Variants in SRGAP3 observed in about 807,000 individuals in gnomAD.
SRGAP3 encodes the protein SLIT-ROBO Rho GTPase-activating protein 3.
SRGAP3 carries 39 observed loss-of-function variants against 121.1 expected under a neutral mutation model. The ratio of observed to expected loss-of-function variants is 0.32; its 90% CI spans 0.25 to 0.42. The LOEUF is 0.42. Ranked by LOEUF, SRGAP3 falls within the 10% of genes least tolerant of loss-of-function variation. The pLI is 1.00. For synonymous variants in SRGAP3, 601 were observed against 570.0 expected, an observed-to-expected ratio of 1.05 and a Z score of -0.77; for missense variants, 1,213 against 1,470.6, an observed-to-expected ratio of 0.82 and a Z score of 2.86.
At chr3:9,100,449 G>A (rs1001585890) in intron 3 of SRGAP3, among the ~76,000 whole-genome samples, 1 of 152,196 alleles carries the variant, frequency 6.6e-6, no homozygotes, top group South Asian at 2.1e-4. Flanking sequence ...AGGTGACACC[G>A]AGGAGGAAGA....
chr3:9,019,203 G>T (rs1943789892), intron 14 of SRGAP3, among the ~76,000 whole-genome samples: 1 of 152,224 alleles, frequency 6.6e-6, no homozygotes, highest in African/African-American at 2.4e-5. Context: ...CACAGAGGCA[G>T]ATTTCTGTGA....
At chr3:9,158,831 C>T (rs1458486251) in intron 1 of SRGAP3, among the ~76,000 whole-genome samples, 5 of 152,306 alleles carry the variant, frequency 3.3e-5, no homozygotes, top group East Asian at 3.9e-4. Flanking sequence ...CTAACCTGCA[C>T]CATGACCCAC....
intron 3 of SRGAP3, among the ~76,000 whole-genome samples, chr3:9,268,097 AC>A (rs1954399975): frequency 6.6e-6 from 1 of 152,160 alleles, no homozygotes; most frequent in Non-Finnish European, 1.5e-5. Context: ...CCTGCCACCA[AC>A]CATGTGAGTC....
At chr3:9,177,933 C>T (rs1252455852) in intron 1 of SRGAP3, among the ~76,000 whole-genome samples, 1 of 152,190 alleles carries the variant, frequency 6.6e-6, no homozygotes, top group African/African-American at 2.4e-5. Context: ...GCAGGAACTA[C>T]TAGGAGCTGC....
chr3:9,027,659 C>T (rs1944282597), intron 12 of SRGAP3, among the ~76,000 whole-genome samples: 1 of 152,238 alleles, frequency 6.6e-6, no homozygotes, highest in Non-Finnish European at 1.5e-5. Flanking sequence ...ATTCTCAACA[C>T]AGGCACCTGG....
At chr3:9,284,488 C>T (rs888610156) in intron 3 of SRGAP3, among the ~76,000 whole-genome samples, 5 of 152,006 alleles carry the variant, frequency 3.3e-5, no homozygotes, top group Admixed American at 6.6e-5. Context: ...ACCATTCGTG[C>T]GAAAGTCAAC....
chr3:9,308,006 T>C (rs1039073867), intron 3 of SRGAP3, among the ~76,000 whole-genome samples: 2 of 152,068 alleles, frequency 1.3e-5, no homozygotes, highest in Non-Finnish European at 2.9e-5. Flanking sequence ...AATACAAAAA[T>C]TAGCTGGACG....
chr3:9,340,126 AC>A (rs1955759360), intron 1 of SRGAP3, among the ~76,000 whole-genome samples: 1 of 152,242 alleles, frequency 6.6e-6, no homozygotes, highest in Admixed American at 6.5e-5. Flanking sequence ...AGGGACGATC[AC>A]AAATACACCA....
intron 1 of SRGAP3, among the ~76,000 whole-genome samples, chr3:9,195,325 C>T (rs1951883502): frequency 6.6e-6 from 1 of 152,166 alleles, no homozygotes; most frequent in African/African-American, 2.4e-5. Context: ...TCACAACGTT[C>T]CTAAAAACGT....
At chr3:9,221,893 T>C (rs548153123) in intron 1 of SRGAP3, among the ~76,000 whole-genome samples, 2 of 152,370 alleles carry the variant, frequency 1.3e-5, no homozygotes, top group Non-Finnish European at 2.9e-5. Flanking sequence ...GTATTGGTTT[T>C]ATTTCCCAAC....
chr3:9,340,606 T>C (rs1473283197), intron 1 of SRGAP3, among the ~76,000 whole-genome samples: 2 of 152,196 alleles, frequency 1.3e-5, no homozygotes, highest in East Asian at 1.9e-4. Flanking sequence ...ATGACCCTGA[T>C]AGACCTGAGT....
chr3:9,179,188 G>A (rs1951289796), intron 1 of SRGAP3, among the ~76,000 whole-genome samples: 1 of 152,210 alleles, frequency 6.6e-6, no homozygotes, highest in African/African-American at 2.4e-5. Flanking sequence ...ACTGACTCCT[G>A]CCAGCGTATC....
chr3:9,204,518 G>C (rs1054917984), intron 1 of SRGAP3, among the ~76,000 whole-genome samples: 2 of 152,210 alleles, frequency 1.3e-5, no homozygotes, highest in African/African-American at 4.8e-5. Context: ...TTATCCGTTG[G>C]GAGATAAAAT....
chr3:9,110,102 C>T (rs1367241165), intron 2 of SRGAP3, among the ~76,000 whole-genome samples: 4 of 152,124 alleles, frequency 2.6e-5, no homozygotes, highest in African/African-American at 4.8e-5. Context: ...AGCCAGGGGC[C>T]GGGAGAGAAA....
chr3:8,987,671 G>A (rs1295929435), intron 21 of SRGAP3, among the ~76,000 whole-genome samples: 1 of 123,118 alleles, frequency 8.1e-6, no homozygotes, highest in East Asian at 3.1e-4. Flanking sequence ...TCTGGCTAAT[G>A]GCTAATATTA....
rs368196366 is a variant in SRGAP3 at position 9,225,274 on chromosome 3, GTC to G, written c.67+23609_67+23610del. On this transcript the variant is annotated intron_variant, in intron 1 of 21. Coordinates refer to ENST00000383836, the MANE Select transcript of SRGAP3 (RefSeq NM_014850.4). ...CAGCCACTTCCAGGAAATCCATCTG[GTC>G]TCTCTGCACCCAACACCACCTTCTC... 3.0e-3 allele frequency among the ~76,000 whole-genome samples: 450 copies of G among 152,256 alleles called. 5 individuals carry two copies. Among genetic ancestry groups the G allele is most frequent in the African/African-American group, 0.01 (428 of 41,538 alleles).
chr3:9,145,697 G>A (rs988912428), intron 1 of SRGAP3, among the ~76,000 whole-genome samples: 1 of 152,122 alleles, frequency 6.6e-6, no homozygotes, highest in Non-Finnish European at 1.5e-5. Flanking sequence ...GCTAAAACAG[G>A]GGTACACACA....
At chr3:9,002,117 T>C (rs533673593) in intron 18 of SRGAP3, among the ~76,000 whole-genome samples, 33 of 152,332 alleles carry the variant, frequency 2.2e-4, no homozygotes, top group African/African-American at 7.9e-4. Flanking sequence ...ACATTCTTTC[T>C]AACTGCACAT....
intron 4 of SRGAP3, among the ~76,000 whole-genome samples, chr3:9,073,617 G>A (rs1012688895): frequency 4.6e-5 from 7 of 152,184 alleles, no homozygotes; most frequent in African/African-American, 9.7e-5. Context: ...TAAGACGGGC[G>A]TGGTCATAAT....
Sources: gnomAD v4.1 joint callset for allele counts (sites outside exome capture counted in the v4.1 genomes callset) on GRCh38, gnomAD v4.1.1 for gene constraint, MANE v1.5 for transcripts, NCBI Gene and HGNC (gene_info 2026-07-23, HGNC 2026-07-21) for gene names.